FHAD1: variants seen among roughly 807,000 people sequenced by gnomAD.
FHAD1 encodes forkhead-associated domain-containing protein 1.
Under a neutral mutation model 191.3 loss-of-function variants are expected in FHAD1, and 146 were observed. The ratio of observed to expected loss-of-function variants is 0.76; its 90% CI spans 0.67 to 0.88. The LOEUF (loss-of-function observed/expected upper bound fraction) is 0.88. Among genes scored for constraint, FHAD1 ranks in the 40% least tolerant of loss-of-function variants. The pLI is 0.00. For synonymous variants in FHAD1, 616 were observed against 672.3 expected (o/e 0.92, Z 1.29); for missense variants, 1,635 against 1,785.8 (o/e 0.92, Z 1.52).
intron 1 of FHAD1, among the ~76,000 whole-genome samples, chr1:15,251,293 AAC>A (rs918073194): frequency 1.8e-5 from 2 of 111,072 alleles, no homozygotes; most frequent in African/African-American, 4.7e-5. Context: ...AAACAAAAAA[AAC>A]CACCCATTTT....
chr1:15,352,996 A>G lies in FHAD1; in HGVS notation c.2562+12A>G, dbSNP rs1391988558. 3 of 1,539,928 alleles carry G rather than the reference A, an allele frequency of 1.9e-6. No homozygotes were observed. Among genetic ancestry groups the G allele is most frequent in the South Asian group, 2.4e-5 (2 of 83,798 alleles). On this transcript the variant is annotated intron_variant, in intron 20 of 33. Coordinates refer to ENST00000688493, the MANE Select transcript of FHAD1 (RefSeq NM_001391957.1). ...CCAAGCAGAAAGAGGTATGAGCCGCAGGGAGGGAGAGACGAGAGGGGCCCA... is the reference window on the plus strand; with the variant it reads ...CCAAGCAGAAAGAGGTATGAGCCGCGGGGAGGGAGAGACGAGAGGGGCCCA...
In FHAD1 at chr1:15,381,537, C is replaced by A; in HGVS notation, c.4022+86C>A. 1 of 1,073,016 alleles carries A rather than the reference C, an allele frequency of 9.3e-7. No homozygotes were observed. The highest frequency in any genetic ancestry group is 1.4e-6 in the Non-Finnish European group (1 of 727,600). The allele number at this position is 1,073,016 out of a possible 1,614,324, so 66.5% of individuals were successfully genotyped here. On this transcript the variant is annotated intron_variant, in intron 30 of 33. Coordinates refer to ENST00000688493, the MANE Select transcript of FHAD1 (RefSeq NM_001391957.1). The surrounding 1 kb of genome is among the most constrained non-coding windows in gnomAD (Gnocchi z 4.6). ...TCAGGCTAGCAGCAGACCTCTAGGC[C>A]TGGGACAGGAGGACAGAGACCCACG...
Position 15,327,194 on chromosome 1 carries a change from T to A in FHAD1, c.1557+52T>A. ...CTCCTTCACTTTCCTCTTCTTCTTC[T>A]TCGTGGATCTGGATTCCAGACCCTG... On this transcript the variant is annotated intron_variant, in intron 12 of 33. Coordinates refer to ENST00000688493, the MANE Select transcript of FHAD1 (RefSeq NM_001391957.1). The surrounding 1 kb of genome is among the most constrained non-coding windows in gnomAD (Gnocchi z 5.1). 1 of 1,240,816 alleles carries A rather than the reference T, an allele frequency of 8.1e-7. No homozygotes were observed. Among genetic ancestry groups the A allele is most frequent in the Non-Finnish European group, 1.2e-6 (1 of 869,414 alleles). The allele number at this position is 1,240,816 out of a possible 1,614,324, so 76.9% of individuals were successfully genotyped here. A position where few individuals can be genotyped will look rare whatever the true frequency, so the allele number is the denominator to read the frequency against.
At chr1:15,293,147 A>G (rs1226609972) in intron 4 of FHAD1, among the ~76,000 whole-genome samples, 3 of 152,096 alleles carry the variant, frequency 2.0e-5, no homozygotes, top group Non-Finnish European at 4.4e-5. Flanking sequence ...TTGAGTGAAC[A>G]CTCACTACGT....
chr1:15,383,101 CTG>C (rs1010756990), intron 31 of FHAD1: 9 of 471,670 alleles, frequency 1.9e-5, no homozygotes, highest in Non-Finnish European at 4.0e-5. Flanking sequence ...CACTTATTAA[CTG>C]TGCGACCTTG....
intron 28 of FHAD1, among the ~76,000 whole-genome samples, chr1:15,378,765 GT>G (rs887863551): frequency 2.0e-5 from 3 of 151,454 alleles, no homozygotes; most frequent in Non-Finnish European, 4.4e-5. Context: ...TTTTATTTTT[GT>G]TTTTTTTAAT....
chr1:15,374,726 C>T (rs1699073314), intron 27 of FHAD1, 95 bp downstream of exon 27: 2 of 1,462,198 alleles, frequency 1.4e-6, no homozygotes, highest in Non-Finnish European at 1.8e-6. Context: ...GTTTTATCTG[C>T]ATCATCCCAG....
At chr1:15,390,902 G>C (rs371226367) in intron 32 of FHAD1, among the ~76,000 whole-genome samples, 2 of 152,248 alleles carry the variant, frequency 1.3e-5, no homozygotes, top group Admixed American at 1.3e-4. Flanking sequence ...CGTGTCCTCC[G>C]AGAAGAGCAT....
intron 14 of FHAD1, among the ~76,000 whole-genome samples, chr1:15,338,088 G>A (rs535912192): frequency 2.6e-5 from 4 of 152,208 alleles, no homozygotes; most frequent in Admixed American, 1.3e-4. Context: ...GCCCAAGTAA[G>A]CTCAGCACTT....
In FHAD1 at chr1:15,327,257, TCA is replaced by T. The variant is rs1444797321; in HGVS notation, c.1557+119_1557+120del. 1.5e-6 allele frequency: 1 copy of T among 665,650 alleles called. No homozygotes were observed. The highest frequency in any genetic ancestry group is 1.8e-5 in the African/African-American group (1 of 54,820). 41.2% of individuals were successfully genotyped at this position (665,650 alleles called of 1,614,324 possible). A position where few individuals can be genotyped will look rare whatever the true frequency, so the allele number is the denominator to read the frequency against. On this transcript the variant is annotated intron_variant, in intron 12 of 33. Coordinates refer to ENST00000688493, the MANE Select transcript of FHAD1 (RefSeq NM_001391957.1). This position sits in a 1 kb window ranked among gnomAD's most constrained non-coding sequence, Gnocchi z 5.1. ...TCTGTTTTTGTTGGTGGCATATTTT[TCA>T]CACTGTTGCTACACCATAAAGATTT...
intron 19 of FHAD1, among the ~76,000 whole-genome samples, chr1:15,349,808 G>C (rs1308686299): frequency 6.6e-6 from 1 of 152,190 alleles, no homozygotes; most frequent in African/African-American, 2.4e-5. Flanking sequence ...AGGAAAGGAG[G>C]GGTCAGAGCT....
At chr1:15,392,931 CAA>C (rs958468166) in intron 33 of FHAD1, among the ~76,000 whole-genome samples, 7 of 152,028 alleles carry the variant, frequency 4.6e-5, no homozygotes, top group African/African-American at 1.7e-4. Flanking sequence ...GAAGGGCGAA[CAA>C]AAAGAGAGAC....
chr1:15,332,216 G>C (rs569708370), intron 14 of FHAD1, among the ~76,000 whole-genome samples: 1 of 152,158 alleles, frequency 6.6e-6, no homozygotes, highest in African/African-American at 2.4e-5. Context: ...AGGCAGAGTC[G>C]TGAGCTTACT....
chr1:15,372,736 A>T (rs888079687), intron 26 of FHAD1, among the ~76,000 whole-genome samples: 64 of 152,384 alleles, frequency 4.2e-4, no homozygotes, highest in African/African-American at 1.5e-3. Flanking sequence ...CTGGTATTTT[A>T]AAAAGTATTA....
At chr1:15,399,506 C>A (rs1706927852), downstream of FHAD1, among the ~76,000 whole-genome samples, 2 of 151,950 alleles carry the variant, frequency 1.3e-5, no homozygotes, top group African/African-American at 4.8e-5. Context: ...GTTGAGGCTG[C>A]AGTGAGCTAT....
chr1:15,251,795 A>G lies in FHAD1; in HGVS notation c.11A>G (p.Tyr4Cys). 1.3e-6 allele frequency: 2 copies of G among 1,552,044 alleles called. No homozygotes were observed. The highest frequency in any genetic ancestry group is 1.4e-5 in the African/African-American group (1 of 73,172). MKA[Y>C]LKSAEGFFVL... is the part of the protein sequence containing the mutation. ...GGGAAAACAGAGAGGATGAAGGCCT[A>G]TCTAAAGAGCGCAGAAGGCTTTTTT... Residue 4 changes from tyrosine to cysteine, a missense_variant, in exon 2 of 34, where the codon TAT becomes TGT. Physicochemically the swap from Tyr to Cys is radical, Grantham distance 194 (BLOSUM62 -2). Coordinates refer to ENST00000688493, the MANE Select transcript of FHAD1 (RefSeq NM_001391957.1).
Position 15,328,270 on chromosome 1 carries a change from T to A in FHAD1, c.1558-7T>A, listed in dbSNP as rs1558124923. The A allele has an allele frequency of 6.9e-7, 1 of 1,446,766 alleles. No individual in the cohort carries two copies. The allele number at this position is 1,446,766 out of a possible 1,614,324, so 89.6% of individuals were successfully genotyped here. On this transcript the variant is annotated splice_region_variant and splice_polypyrimidine_tract_variant and intron_variant, in intron 12 of 33. Coordinates refer to ENST00000688493, the MANE Select transcript of FHAD1 (RefSeq NM_001391957.1). ...TTTTTTTTTTTCCTTTTTCTTTTTC[T>A]CACCAGTTAATAGAGAAAATTACCC...
rs1219961008 is a variant in FHAD1 at position 15,316,509 on chromosome 1, CAG to C, written c.1260+45_1260+46del. The C allele has an allele frequency of 4.0e-6, 6 of 1,518,896 alleles. No homozygotes were observed. The highest frequency in any genetic ancestry group is 4.0e-5 in the Admixed American group (2 of 50,518). 94.1% of individuals were successfully genotyped at this position (1,518,896 alleles called of 1,614,324 possible). On this transcript the variant is annotated intron_variant, in intron 9 of 33. Coordinates refer to ENST00000688493, the MANE Select transcript of FHAD1 (RefSeq NM_001391957.1). The surrounding 1 kb of genome is among the most constrained non-coding windows in gnomAD (Gnocchi z 4.3). ...CCTTTGTAGGTACCACCAGAAAAAA[CAG>C]AGTTTGACCTTGAGGTTCTTGGTGG...
At chr1:15,345,642 C>T (rs1241422211) in intron 18 of FHAD1, 119 bp downstream of exon 18, 17 of 816,200 alleles carry the variant, frequency 2.1e-5, no homozygotes, top group South Asian at 1.1e-4. Flanking sequence ...GTGGAGTTTG[C>T]GTTTGGGTGG....
Sources: allele counts gnomAD v4.1 joint callset (sites outside exome capture counted in the v4.1 genomes callset), GRCh38; gene constraint gnomAD v4.1.1; non-coding constraint Gnocchi (gnomAD v3.1); transcripts MANE v1.5; gene names NCBI Gene and HGNC (gene_info 2026-07-23, HGNC 2026-07-21).